SPNS3: variants seen among roughly 807,000 people sequenced by gnomAD.
SPNS3 encodes the protein protein spinster homolog 3.
Under a neutral mutation model 54.4 loss-of-function variants are expected in SPNS3, and 51 were observed. The observed-to-expected ratio is 0.94, with a 90% confidence interval of 0.75 to 1.18. SPNS3 has a LOEUF of 1.18. Among genes scored for constraint, SPNS3 ranks in the 50% most tolerant of loss-of-function variants. The probability of loss-of-function intolerance (pLI) is 0.00; values close to 1 mark genes in which losing one functional copy is unlikely to be tolerated. For missense variants in SPNS3, 669 were observed against 677.4 expected, an observed-to-expected ratio of 0.99 and a Z score of 0.14; for synonymous variants, 309 against 294.7, an observed-to-expected ratio of 1.05 and a Z score of -0.50.
At chr17:4,440,348 A>G (rs1341067661) in intron 2 of SPNS3, among the ~76,000 whole-genome samples, 5 of 152,156 alleles carry the variant, frequency 3.3e-5, no homozygotes, top group African/African-American at 9.7e-5. Context: ...ACATGGTCAC[A>G]ACACGTGATA....
At chr17:4,473,364 A>T (rs546286250) in intron 8 of SPNS3, among the ~76,000 whole-genome samples, 116 of 148,170 alleles carry the variant, frequency 7.8e-4, no homozygotes, top group African/African-American at 2.8e-3. Flanking sequence ...AGGCCTTTAG[A>T]TCCAGGAGAG....
At chr17:4,473,787 G>A (rs1971919252) in intron 8 of SPNS3, among the ~76,000 whole-genome samples, 1 of 152,180 alleles carries the variant, frequency 6.6e-6, no homozygotes, top group Non-Finnish European at 1.5e-5. Flanking sequence ...GGTTGGCAGA[G>A]ATCAGCCAGG....
intron 8 of SPNS3, among the ~76,000 whole-genome samples, chr17:4,459,039 C>T (rs1471655274): frequency 6.6e-6 from 1 of 152,172 alleles, no homozygotes; most frequent in Non-Finnish European, 1.5e-5. Context: ...CTTTCCCCAT[C>T]CTCACTCCCT....
At chr17:4,479,234 C>G (rs1479865652) in intron 9 of SPNS3, among the ~76,000 whole-genome samples, 1 of 152,268 alleles carries the variant, frequency 6.6e-6, no homozygotes, top group African/African-American at 2.4e-5. Context: ...AGCCACCGTG[C>G]CTGGCCCCTC....
intron 9 of SPNS3, among the ~76,000 whole-genome samples, chr17:4,481,320 G>A (rs887634919): frequency 1.3e-5 from 2 of 151,992 alleles, no homozygotes; most frequent in Admixed American, 1.3e-4. Context: ...AAGTGTGTGG[G>A]GACAGGGTCT....
At chr17:4,435,757 C>T (rs1046752064) in intron 1 of SPNS3, among the ~76,000 whole-genome samples, 1 of 144,186 alleles carries the variant, frequency 6.9e-6, no homozygotes, top group South Asian at 2.2e-4. Context: ...AACTCACTCA[C>T]TCATTCATTC....
rs1434980786 is a variant in SPNS3, at chr17:4,483,007, C to A, written c.1180-3221C>A. Among the ~76,000 whole-genome samples the A allele has an allele frequency of 1.3e-5, 2 of 152,338 alleles. No individual in the cohort carries two copies. The highest frequency in any genetic ancestry group is 3.9e-4 in the East Asian group (2 of 5,172). ...AGCCACAGGCTCATCTCCCACCCCT[C>A]AGCAGACGTCCCCACAGTTCCCCGG... On this transcript the variant is annotated intron_variant, in intron 9 of 11. Coordinates refer to ENST00000355530, the MANE Select transcript of SPNS3 (RefSeq NM_182538.5). The surrounding 1 kb of genome is among the most constrained non-coding windows in gnomAD (Gnocchi z 4.2).
chr17:4,455,944 C>T (rs1284163359), intron 8 of SPNS3, among the ~76,000 whole-genome samples: 1 of 151,972 alleles, frequency 6.6e-6, no homozygotes, highest in Non-Finnish European at 1.5e-5. Flanking sequence ...TCACCTGAAG[C>T]CCCTCACTCA....
At chr17:4,453,311 A>G (rs1290669332) in intron 8 of SPNS3, 106 bp downstream of exon 8, 1 of 1,083,034 alleles carries the variant, frequency 9.2e-7, no homozygotes, top group Non-Finnish European at 1.3e-6. Flanking sequence ...TATGTTGATC[A>G]CTCCTTCTGA....
chr17:4,451,002 C>A (rs1217498824), intron 7 of SPNS3, among the ~76,000 whole-genome samples: 2 of 151,896 alleles, frequency 1.3e-5, no homozygotes, highest in African/African-American at 2.4e-5. Flanking sequence ...GGCTTGGTAG[C>A]TGGGGCATGT....
intron 7 of SPNS3, among the ~76,000 whole-genome samples, chr17:4,451,081 A>G (rs1971151502): frequency 6.6e-6 from 1 of 151,936 alleles, no homozygotes; most frequent in African/African-American, 2.4e-5. Flanking sequence ...TAAATAATCA[A>G]TCCTAAGTCT....
intron 7 of SPNS3, 145 bp from the exon 8 acceptor site, chr17:4,452,871 A>C (rs977291461): frequency 1.4e-6 from 1 of 707,792 alleles, no homozygotes; most frequent in East Asian, 2.7e-5. Context: ...GTTCTGGGTC[A>C]GGTCAGGGGC....
At chr17:4,463,396 CAAAAA>C (rs368770425) in intron 8 of SPNS3, among the ~76,000 whole-genome samples, 3 of 122,142 alleles carry the variant, frequency 2.5e-5, no homozygotes, top group African/African-American at 3.0e-5. Flanking sequence ...GACTCTGTCT[CAAAAA>C]AAAAAAAAAA....
chr17:4,483,907 C>G lies in SPNS3; in HGVS notation c.1180-2321C>G, dbSNP rs185570640. On this transcript the variant is annotated intron_variant, in intron 9 of 11. Transcript: ENST00000355530. This position sits in a 1 kb window ranked among gnomAD's most constrained non-coding sequence, Gnocchi z 4.2. The stretch of plus-strand genomic sequence containing the variant: ...ATCCAGAGATCGTGTCCCTGGGATC[C>G]TCCCTCCACACCGTCGCTTACACTG... Among the ~76,000 whole-genome samples, 14 of 152,308 alleles carry G rather than the reference C, an allele frequency of 9.2e-5. No homozygotes were observed. The East Asian group carries it at 2.7e-3, about 29-fold the overall frequency.
intron 2 of SPNS3, among the ~76,000 whole-genome samples, chr17:4,440,381 G>A (rs117435079): frequency 0.051 from 7,839 of 152,278 alleles, 247 homozygotes; most frequent in Middle Eastern, 0.092. Context: ...CACCCAGGCT[G>A]TAACCAGCAG....
chr17:4,460,214 ATGT>A, intron 8 of SPNS3, among the ~76,000 whole-genome samples: 1 of 151,984 alleles, frequency 6.6e-6, no homozygotes, highest in Non-Finnish European at 1.5e-5. Flanking sequence ...ATCATGTAGG[ATGT>A]TGTGGGCATT....
intron 8 of SPNS3, among the ~76,000 whole-genome samples, chr17:4,476,547 C>T (rs1230569248): frequency 1.3e-5 from 2 of 152,110 alleles, no homozygotes; most frequent in African/African-American, 2.4e-5. Context: ...TGCAGGTGCC[C>T]GGAAGAAGTC....
Position 4,445,495 on chromosome 17 carries a change from C to T in SPNS3, c.402+327C>T, listed in dbSNP as rs907001065. Among the ~76,000 whole-genome samples, 5 of 152,176 alleles carry T rather than the reference C, an allele frequency of 3.3e-5. No homozygotes were observed. In the East Asian group the frequency reaches 9.7e-4, roughly 29 times the overall value. On this transcript the variant is annotated intron_variant, in intron 3 of 11. Transcript: ENST00000355530. ...AGTTCAAGCAATTCTCCTGTCTCAGCCTCCAGAGTAGCTGGGATACCAGGC... is the reference window on the plus strand; with the variant it reads ...AGTTCAAGCAATTCTCCTGTCTCAGTCTCCAGAGTAGCTGGGATACCAGGC...
chr17:4,439,857 C>T, intron 2 of SPNS3, 134 bp downstream of exon 2: 1 of 762,648 alleles, frequency 1.3e-6, no homozygotes, highest in Non-Finnish European at 2.2e-6. Flanking sequence ...GGGTATGGGC[C>T]TGAGGGACAG....
Sources: gnomAD v4.1 joint callset for allele counts (sites outside exome capture counted in the v4.1 genomes callset) on GRCh38, gnomAD v4.1.1 for gene constraint, Gnocchi (gnomAD v3.1) non-coding constraint, MANE v1.5 for transcripts, NCBI Gene and HGNC (gene_info 2026-07-23, HGNC 2026-07-21) for gene names.